Variants in ADAMTS3 observed in about 807,000 individuals in gnomAD.
ADAMTS3 encodes A disintegrin and metalloproteinase with thrombospondin motifs 3.
ADAMTS3 carries 73 observed loss-of-function variants against 129.0 expected under a neutral mutation model. The ratio of observed to expected loss-of-function variants is 0.57; its 90% CI spans 0.47 to 0.69. The LOEUF is 0.69. ADAMTS3 is among the 30% of genes least tolerant of loss of function. The pLI is 0.00. For synonymous variants in ADAMTS3, 477 were observed against 510.8 expected, an observed-to-expected ratio of 0.93 and a Z score of 0.89; for missense variants, 1,457 against 1,514.5, an observed-to-expected ratio of 0.96 and a Z score of 0.63.
chr4:72,362,265 G>A (rs937517185), intron 4 of ADAMTS3, among the ~76,000 whole-genome samples: 2 of 152,060 alleles, frequency 1.3e-5, no homozygotes, highest in African/African-American at 4.8e-5. Flanking sequence ...AGTACTTCCA[G>A]AAGCAATGAG....
intron 4 of ADAMTS3, among the ~76,000 whole-genome samples, chr4:72,394,035 G>T (rs1045816202): frequency 6.6e-6 from 1 of 152,160 alleles, no homozygotes; most frequent in African/African-American, 2.4e-5. Flanking sequence ...CCACAGGAAG[G>T]AACAGATTAA....
At chr4:72,543,190 A>G (rs1343548853) in intron 3 of ADAMTS3, among the ~76,000 whole-genome samples, 3 of 152,196 alleles carry the variant, frequency 2.0e-5, no homozygotes, top group Admixed American at 6.5e-5. Flanking sequence ...AGTTTAAGGC[A>G]CTAAGAGGAA....
chr4:72,462,748 A>G (rs1327989174), intron 3 of ADAMTS3, among the ~76,000 whole-genome samples: 1 of 151,984 alleles, frequency 6.6e-6, no homozygotes, highest in African/African-American at 2.4e-5. Flanking sequence ...ATAGAATAGA[A>G]TATAAAAAGA....
At position 72,438,029 on chromosome 4, in the gene ADAMTS3, T is replaced by C. The variant is rs188489834; in HGVS notation, c.505-23058A>G. 2.6e-3 allele frequency among the ~76,000 whole-genome samples: 402 copies of C among 151,820 alleles called. 3 individuals are homozygous for C. The highest frequency in any genetic ancestry group is 9.4e-3 in the African/African-American group (390 of 41,500). On this transcript the variant is annotated intron_variant, in intron 3 of 21. Transcript: ENST00000286657. ...TGTTGTTGTTTCTTTTGTGTTCTCA[T>C]GGTTTTAGCTATTGTGATTTAAAGT...
chr4:72,320,101 T>C lies in ADAMTS3; in HGVS notation c.1103-138A>G, dbSNP rs535910414. On this transcript the variant is annotated intron_variant, in intron 7 of 21. Transcript: ENST00000286657. ...TAGCATTATTTCCCTACTAGCATTGTGTCACATTCTCTTGGGAAAGCCACA... is the reference window on the plus strand; with the variant it reads ...TAGCATTATTTCCCTACTAGCATTGCGTCACATTCTCTTGGGAAAGCCACA... 6.3e-5 allele frequency: 42 copies of C among 667,372 alleles called. 1 individual carries two copies. Among genetic ancestry groups the C allele is most frequent in the African/African-American group, 5.8e-4 (32 of 55,142 alleles). 41.3% of individuals were successfully genotyped at this position (667,372 alleles called of 1,614,324 possible). A position where few individuals can be genotyped will look rare whatever the true frequency, so the allele number is the denominator to read the frequency against.
In ADAMTS3 at chr4:72,477,503, G is replaced by A. The variant is rs560199675; in HGVS notation, c.505-62532C>T. 2.0e-3 allele frequency among the ~76,000 whole-genome samples: 305 copies of A among 151,962 alleles called. 1 individual carries two copies. Among genetic ancestry groups the A allele is most frequent in the African/African-American group, 6.9e-3 (287 of 41,448 alleles). ...GTTCTTTGAAACCAACGAGAAAAAA[G>A]ACACAACATACCAGAATCTCTGGGA... On this transcript the variant is annotated intron_variant, in intron 3 of 21. Coordinates refer to ENST00000286657, the MANE Select transcript of ADAMTS3 (RefSeq NM_014243.3).
intron 14 of ADAMTS3, 125 bp downstream of exon 14, chr4:72,310,923 A>AT: frequency 1.1e-6 from 1 of 909,140 alleles, no homozygotes; most frequent in Non-Finnish European, 1.6e-6. Context: ...CTATTGAACT[A>AT]TTCATAGACA....
intron 5 of ADAMTS3, among the ~76,000 whole-genome samples, chr4:72,331,805 T>C (rs1263537098): frequency 6.6e-6 from 1 of 152,224 alleles, no homozygotes; most frequent in Non-Finnish European, 1.5e-5. Flanking sequence ...CATGTCGTCT[T>C]AGGAAGATTT....
chr4:72,464,878 A>C (rs1718876123), intron 3 of ADAMTS3, among the ~76,000 whole-genome samples: 2 of 152,048 alleles, frequency 1.3e-5, no homozygotes, highest in African/African-American at 4.8e-5. Context: ...TGAGTATTCA[A>C]GCATTCACAA....
intron 3 of ADAMTS3, among the ~76,000 whole-genome samples, chr4:72,427,617 G>T (rs567011401): frequency 9.2e-5 from 14 of 151,866 alleles, no homozygotes; most frequent in Non-Finnish European, 1.3e-4. Flanking sequence ...CTGGAAAACA[G>T]CAGAAGGAAA....
intron 4 of ADAMTS3, among the ~76,000 whole-genome samples, chr4:72,390,786 G>C (rs1201037199): frequency 6.6e-6 from 1 of 151,274 alleles, no homozygotes; most frequent in Non-Finnish European, 1.5e-5. Flanking sequence ...ATAAATACCT[G>C]AAAGCTATTT....
At chr4:72,458,170 G>A (rs1718673740) in intron 3 of ADAMTS3, among the ~76,000 whole-genome samples, 1 of 151,492 alleles carries the variant, frequency 6.6e-6, no homozygotes, top group Admixed American at 6.6e-5. Flanking sequence ...TAGGAAGGAA[G>A]ACAGAACTCT....
intron 5 of ADAMTS3, 96 bp from the exon 6 acceptor site, chr4:72,323,193 T>C (rs1381182966): frequency 2.3e-6 from 2 of 885,120 alleles, no homozygotes; most frequent in African/African-American, 3.3e-5. Context: ...AATAGGTGAG[T>C]AAATTGCTGT....
intron 4 of ADAMTS3, among the ~76,000 whole-genome samples, chr4:72,396,399 T>G (rs1217068100): frequency 6.6e-6 from 1 of 151,948 alleles, no homozygotes; most frequent in African/African-American, 2.4e-5. Flanking sequence ...TGACAAAGTA[T>G]GAAAATCAAC....
rs534389795 is a variant in ADAMTS3 at position 72,473,712 on chromosome 4, T to C, written c.505-58741A>G. On this transcript the variant is annotated intron_variant, in intron 3 of 21. Transcript: ENST00000286657. ...GAGCTGGGACTTTCATTCCCACCAGTTGGTAACCAGCACTTCCCTAGTACA... is the reference window on the plus strand; with the variant it reads ...GAGCTGGGACTTTCATTCCCACCAGCTGGTAACCAGCACTTCCCTAGTACA... Among the ~76,000 whole-genome samples, 37 of 152,292 alleles carry C rather than the reference T, an allele frequency of 2.4e-4. No individual in the cohort carries two copies. In the South Asian group the frequency reaches 5.4e-3, roughly 22 times the overall value.
intron 3 of ADAMTS3, among the ~76,000 whole-genome samples, chr4:72,491,627 G>C (rs1376949231): frequency 1.3e-5 from 2 of 151,656 alleles, no homozygotes; most frequent in Non-Finnish European, 3.0e-5. Context: ...CTTCCACTTT[G>C]TCATGGTGTT....
intron 3 of ADAMTS3, among the ~76,000 whole-genome samples, chr4:72,525,218 T>A (rs1485100320): frequency 6.6e-6 from 1 of 152,156 alleles, no homozygotes; most frequent in Non-Finnish European, 1.5e-5. Context: ...TCAAAACAGG[T>A]AGAGCCTAAA....
chr4:72,449,010 C>G (rs1718325145), intron 3 of ADAMTS3, among the ~76,000 whole-genome samples: 1 of 151,756 alleles, frequency 6.6e-6, no homozygotes, highest in East Asian at 2.0e-4. Context: ...ACAATATCTA[C>G]CTTTGTCTCA....
intron 4 of ADAMTS3, among the ~76,000 whole-genome samples, chr4:72,341,655 T>C (rs1720140735): frequency 6.6e-6 from 1 of 152,202 alleles, no homozygotes; most frequent in South Asian, 2.1e-4. Flanking sequence ...AATGTTATTA[T>C]ATCATGAAGC....
Sources: allele counts gnomAD v4.1 joint callset (sites outside exome capture counted in the v4.1 genomes callset), GRCh38; gene constraint gnomAD v4.1.1; transcripts MANE v1.5; gene names NCBI Gene and HGNC (gene_info 2026-07-23, HGNC 2026-07-21).